Variants in CSMD2 observed in about 807,000 individuals in gnomAD.
CSMD2 encodes CUB and sushi domain-containing protein 2.
A neutral mutation model predicts 398.5 loss-of-function variants in CSMD2; 130 were observed. That is an observed-to-expected ratio of 0.33 (90% CI 0.28 to 0.38). The LOEUF (loss-of-function observed/expected upper bound fraction) is 0.38, where lower values mean the gene tolerates loss of function less well. Ranked by LOEUF, CSMD2 falls within the 10% of genes least tolerant of loss-of-function variation. The pLI is 1.00. For missense variants in CSMD2, 3,829 were observed against 4,764.9 expected, an observed-to-expected ratio of 0.80 and a Z score of 5.78; for synonymous variants, 1,828 against 1,908.5, an observed-to-expected ratio of 0.96 and a Z score of 1.10.
At chr1:33,691,574 A>G (rs1485040608) in intron 25 of CSMD2, among the ~76,000 whole-genome samples, 2 of 152,198 alleles carry the variant, frequency 1.3e-5, no homozygotes, top group East Asian at 3.8e-4. Context: ...AAACTCTTAC[A>G]TGCAGGAATC....
At chr1:33,970,867 C>T (rs540820541) in intron 3 of CSMD2, among the ~76,000 whole-genome samples, 7 of 152,334 alleles carry the variant, frequency 4.6e-5, no homozygotes, top group Admixed American at 2.0e-4. Context: ...CTCTGTTTAC[C>T]GTAACCCATG....
intron 19 of CSMD2, among the ~76,000 whole-genome samples, chr1:33,720,545 T>C (rs191496723): frequency 2.0e-5 from 3 of 152,248 alleles, no homozygotes; most frequent in Admixed American, 2.0e-4. Flanking sequence ...AGAAGAACAT[T>C]GTACAAATGT....
At chr1:33,675,163 T>C (rs1438877763) in intron 25 of CSMD2, among the ~76,000 whole-genome samples, 3 of 152,004 alleles carry the variant, frequency 2.0e-5, no homozygotes, top group Non-Finnish European at 1.5e-5. Flanking sequence ...AATCAATGAA[T>C]CCAGGAGCTA....
chr1:33,664,629 C>T (rs1167097459), intron 25 of CSMD2, among the ~76,000 whole-genome samples: 1 of 151,970 alleles, frequency 6.6e-6, no homozygotes, highest in Non-Finnish European at 1.5e-5. Context: ...CAGTGAAACC[C>T]CGTCTTTACT....
chr1:33,917,920 A>G (rs1356740019), intron 5 of CSMD2, among the ~76,000 whole-genome samples, 174 bp downstream of exon 5: 1 of 152,204 alleles, frequency 6.6e-6, no homozygotes, highest in Admixed American at 6.5e-5. Context: ...CCCCAGCTCT[A>G]AAAATATGCA....
intron 2 of CSMD2, among the ~76,000 whole-genome samples, chr1:34,065,704 T>G (rs973788152): frequency 3.3e-5 from 5 of 152,240 alleles, no homozygotes; most frequent in African/African-American, 1.2e-4. Flanking sequence ...CCTTTAGCAC[T>G]GTACCCAGGA....
chr1:33,791,814 T>C (rs1447048799), intron 11 of CSMD2, among the ~76,000 whole-genome samples: 2 of 152,112 alleles, frequency 1.3e-5, no homozygotes, highest in Non-Finnish European at 2.9e-5. Context: ...AGTCAGGCTA[T>C]TGGTGGTGGG....
intron 2 of CSMD2, among the ~76,000 whole-genome samples, chr1:34,062,933 G>A (rs148115552): frequency 0.038 from 5,851 of 152,250 alleles, 132 homozygotes; most frequent in East Asian, 0.061. Context: ...AGTTCCACAT[G>A]TCTAGGGAGG....
At chr1:34,142,740 A>G (rs771149) in intron 1 of CSMD2, among the ~76,000 whole-genome samples, 142,914 of 152,280 alleles carry the variant, frequency 0.94, 67,305 homozygotes, top group Non-Finnish European at 0.98. Context: ...TTGAACCTCG[A>G]TCTGCCCCTC....
chr1:33,772,789 T>C, intron 12 of CSMD2, 38 bp from the exon 13 acceptor site: 1 of 1,578,344 alleles, frequency 6.3e-7, no homozygotes, highest in East Asian at 2.3e-5. Flanking sequence ...AGACAAAAGG[T>C]GACTTTATAC....
chr1:34,074,006 C>T (rs907923167), intron 2 of CSMD2, among the ~76,000 whole-genome samples: 5 of 152,132 alleles, frequency 3.3e-5, no homozygotes, highest in Non-Finnish European at 7.4e-5. Flanking sequence ...GGCAGGTGCC[C>T]CACACTTAAA....
intron 1 of CSMD2, among the ~76,000 whole-genome samples, chr1:34,110,944 ACTTCC>A (rs1355818760): frequency 6.6e-6 from 1 of 152,052 alleles, no homozygotes; most frequent in Non-Finnish European, 1.5e-5. Context: ...CTAACCCCCT[ACTTCC>A]ATCGCTGGCA....
At chr1:33,671,512 A>T (rs629139) in intron 25 of CSMD2, among the ~76,000 whole-genome samples, 141,925 of 151,060 alleles carry the variant, frequency 0.94, 66,746 homozygotes, top group African/African-American at 0.98. Context: ...TGTGCAGATA[A>T]CCCTGTTCAA....
At chr1:34,128,090 C>A (rs1286088385) in intron 1 of CSMD2, among the ~76,000 whole-genome samples, 2 of 151,966 alleles carry the variant, frequency 1.3e-5, no homozygotes, top group Non-Finnish European at 2.9e-5. Context: ...CTCACCGACG[C>A]CCTGACCTCA....
intron 5 of CSMD2, among the ~76,000 whole-genome samples, chr1:33,901,038 G>A (rs1361684033): frequency 6.6e-6 from 1 of 152,200 alleles, no homozygotes; most frequent in Non-Finnish European, 1.5e-5. Context: ...AGAACCACGT[G>A]TAGGTGAGGA....
At chr1:33,831,545 T>C (rs7532277) in intron 6 of CSMD2, among the ~76,000 whole-genome samples, 118,956 of 151,490 alleles carry the variant, frequency 0.79, 47,555 homozygotes, top group East Asian at 0.94. Context: ...TGGTACCAGC[T>C]GCTGCAAAAT....
chr1:33,540,688 G>T lies in CSMD2; in HGVS notation c.9468C>A (p.Cys3156Ter). ...GTKPVCKALM[C>*]KPPPLIPNGK... ...CATTGGGGATGAGCGGAGGTGGCTT[G>T]CACATGAGAGCTGGAGGGAGACCAA... Residue 3156 changes from cysteine to a stop codon, truncating the protein, a stop_gained, in exon 60 of 71, where the codon TGC becomes TGA. Coordinates refer to ENST00000373381, the MANE Select transcript of CSMD2 (RefSeq NM_001281956.2). LOFTEE classifies it high-confidence loss of function. 6.2e-7 allele frequency: 1 copy of T among 1,614,164 alleles called. No individual in the cohort carries two copies. The highest frequency in any genetic ancestry group is 8.5e-7 in the Non-Finnish European group (1 of 1,180,020).
chr1:33,610,963 G>T, intron 41 of CSMD2, 78 bp downstream of exon 41: 1 of 1,389,546 alleles, frequency 7.2e-7, no homozygotes, highest in Non-Finnish European at 1.0e-6. Context: ...TCCCCCACAT[G>T]GAAGGCTGGG....
chr1:33,959,529 T>C (rs568711655), intron 3 of CSMD2, among the ~76,000 whole-genome samples: 1 of 152,126 alleles, frequency 6.6e-6, no homozygotes, highest in Non-Finnish European at 1.5e-5. Flanking sequence ...GCCCGGGACA[T>C]ATCCAGGTTT....
Sources: gnomAD v4.1 joint callset for allele counts (sites outside exome capture counted in the v4.1 genomes callset) on GRCh38, gnomAD v4.1.1 for gene constraint, MANE v1.5 for transcripts, NCBI Gene and HGNC (gene_info 2026-07-23, HGNC 2026-07-21) for gene names.